SUPT3H: variants seen among roughly 807,000 people sequenced by gnomAD.
SUPT3H encodes transcription initiation protein SPT3 homolog.
SUPT3H carries 44 observed loss-of-function variants against 44.3 expected under a neutral mutation model. The observed-to-expected ratio is 0.99, with a 90% confidence interval of 0.78 to 1.28. The LOEUF is 1.28. Among genes scored for constraint, SUPT3H ranks in the 50% most tolerant of loss-of-function variants. SUPT3H has a pLI of 0.00. For synonymous variants in SUPT3H, 124 were observed against 125.6 expected (o/e 0.99, Z 0.09); for missense variants, 380 against 387.1 (o/e 0.98, Z 0.15).
intron 2 of SUPT3H, among the ~76,000 whole-genome samples, chr6:45,185,437 G>A (rs560206561): frequency 6.6e-6 from 1 of 152,274 alleles, no homozygotes; most frequent in African/African-American, 2.4e-5. Flanking sequence ...ATGCAAAGGA[G>A]ATTTTTTTGT....
intron 2 of SUPT3H, among the ~76,000 whole-genome samples, chr6:45,114,512 A>C (rs533748995): frequency 1.3e-5 from 2 of 152,146 alleles, no homozygotes; most frequent in Non-Finnish European, 1.5e-5. Flanking sequence ...TTTTTTTAAA[A>C]ATCAAGATTT....
At chr6:44,938,022 G>A (rs1358494032) in intron 9 of SUPT3H, among the ~76,000 whole-genome samples, 3 of 143,954 alleles carry the variant, frequency 2.1e-5, no homozygotes, top group Admixed American at 7.4e-5. Flanking sequence ...CAATTCTCCT[G>A]CCTCAGCCTC....
chr6:45,016,217 A>T (rs928332998), intron 4 of SUPT3H, among the ~76,000 whole-genome samples: 3 of 152,100 alleles, frequency 2.0e-5, no homozygotes, highest in African/African-American at 7.2e-5. Flanking sequence ...ATCACTTGAT[A>T]ATTGGAATTG....
At chr6:45,367,678 T>C (rs185239629) in intron 1 of SUPT3H, among the ~76,000 whole-genome samples, 2 of 152,300 alleles carry the variant, frequency 1.3e-5, no homozygotes, top group African/African-American at 4.8e-5. Context: ...CAGAAAGTTA[T>C]GATTTGAGTT....
chr6:45,194,507 A>G (rs1815684819), intron 2 of SUPT3H, among the ~76,000 whole-genome samples: 1 of 152,170 alleles, frequency 6.6e-6, no homozygotes, highest in South Asian at 2.1e-4. Context: ...TTCTACCAAA[A>G]AAGAGCAGAG....
intron 3 of SUPT3H, among the ~76,000 whole-genome samples, chr6:45,058,528 A>G (rs2059519986): frequency 6.6e-6 from 1 of 152,150 alleles, no homozygotes; most frequent in South Asian, 2.1e-4. Flanking sequence ...TATATTATAC[A>G]GAGTGATTTT....
intron 9 of SUPT3H, among the ~76,000 whole-genome samples, chr6:44,940,615 A>G (rs945187251): frequency 6.6e-6 from 1 of 152,128 alleles, no homozygotes; most frequent in African/African-American, 2.4e-5. Flanking sequence ...CCATTTGACT[A>G]ATGCTGTCAA....
chr6:45,010,204 G>A (rs905418244), intron 5 of SUPT3H, among the ~76,000 whole-genome samples: 15 of 151,906 alleles, frequency 9.9e-5, no homozygotes, highest in Non-Finnish European at 2.1e-4. Flanking sequence ...CAAACACATC[G>A]AACCAGTCTA....
chr6:45,091,383 A>C (rs1265545564), intron 3 of SUPT3H, among the ~76,000 whole-genome samples: 1 of 152,062 alleles, frequency 6.6e-6, no homozygotes, highest in East Asian at 1.9e-4. Flanking sequence ...TCTGAAAACA[A>C]TATTCTTCTT....
At chr6:45,034,177 A>G (rs1288431343) in intron 3 of SUPT3H, among the ~76,000 whole-genome samples, 1 of 151,966 alleles carries the variant, frequency 6.6e-6, no homozygotes, top group Non-Finnish European at 1.5e-5. Context: ...GCAGCATGAA[A>G]CCATTACTAA....
At chr6:45,172,503 CA>C (rs1810978497) in intron 2 of SUPT3H, among the ~76,000 whole-genome samples, 1 of 151,590 alleles carries the variant, frequency 6.6e-6, no homozygotes, top group African/African-American at 2.4e-5. Flanking sequence ...TAAATAGGAA[CA>C]CAGTTGATGA....
rs182720041 is a variant in SUPT3H, at chr6:44,884,337, T to C, written c.912+48316A>G. ...TCACGCCAGTTAGAATGGTGATCATTAAAAAGTCAGGAAACAACAGATGCT... is the reference window on the plus strand; with the variant it reads ...TCACGCCAGTTAGAATGGTGATCATCAAAAAGTCAGGAAACAACAGATGCT... On this transcript the variant is annotated intron_variant, in intron 10 of 10. Transcript: ENST00000371459. 3.9e-3 allele frequency among the ~76,000 whole-genome samples: 597 copies of C among 152,190 alleles called. 7 individuals carry two copies. Among genetic ancestry groups the C allele is most frequent in the African/African-American group, 0.014 (568 of 41,510 alleles).
chr6:44,913,776 G>C (rs1478282503), intron 10 of SUPT3H, among the ~76,000 whole-genome samples: 2 of 152,006 alleles, frequency 1.3e-5, no homozygotes, highest in Non-Finnish European at 2.9e-5. Context: ...TCTGCTACTT[G>C]GGGTTCTTCA....
At chr6:44,911,752 C>T (rs761217818) in intron 10 of SUPT3H, among the ~76,000 whole-genome samples, 24 of 152,204 alleles carry the variant, frequency 1.6e-4, no homozygotes, top group African/African-American at 5.8e-4. Context: ...AAGGGTAATA[C>T]GAATTGTTAC....
At chr6:45,114,271 A>G (rs1800515639) in intron 2 of SUPT3H, among the ~76,000 whole-genome samples, 1 of 152,132 alleles carries the variant, frequency 6.6e-6, no homozygotes, top group African/African-American at 2.4e-5. Context: ...TGAACAAAAC[A>G]GACAAAAAAA....
chr6:45,130,712 CTTTTTTTTTTT>C (rs1194423160), intron 2 of SUPT3H, among the ~76,000 whole-genome samples: 68 of 88,606 alleles, frequency 7.7e-4, no homozygotes, highest in Middle Eastern at 0.019. Context: ...AAAAAAACCA[CTTTTTTTTTTT>C]TTTTTTTTTT....
In SUPT3H at chr6:45,098,999, G is replaced by A. The variant is rs991300435; in HGVS notation, c.186+6923C>T. The A allele has an allele frequency of 3.4e-4, 133 of 391,398 alleles. 1 individual carries two copies. The highest frequency in any genetic ancestry group is 1.9e-4 in the Non-Finnish European group (38 of 198,446). 24.2% of individuals were successfully genotyped at this position (391,398 alleles called of 1,614,324 possible). A position where few individuals can be genotyped will look rare whatever the true frequency, so the allele number is the denominator to read the frequency against. ...TCCAGCTACAGCCTATTCCAGCACTGCCATGAGCTCTTCCTCCTCCTACAG... is the reference window on the plus strand; with the variant it reads ...TCCAGCTACAGCCTATTCCAGCACTACCATGAGCTCTTCCTCCTCCTACAG... On this transcript the variant is annotated intron_variant, in intron 3 of 10. Coordinates refer to ENST00000371459, the MANE Select transcript of SUPT3H (RefSeq NM_003599.4).
intron 2 of SUPT3H, among the ~76,000 whole-genome samples, chr6:45,297,049 G>A (rs1781402203): frequency 2.0e-5 from 3 of 146,992 alleles, no homozygotes; most frequent in South Asian, 2.2e-4. Context: ...AACACCACCT[G>A]TACCCCAATA....
chr6:44,944,899 G>A (rs1296966640), intron 9 of SUPT3H, among the ~76,000 whole-genome samples: 1 of 151,474 alleles, frequency 6.6e-6, no homozygotes, highest in Non-Finnish European at 1.5e-5. Context: ...TTCAATACAG[G>A]CATACCTCAC....
Sources: gnomAD v4.1 joint callset for allele counts (sites outside exome capture counted in the v4.1 genomes callset) on GRCh38, gnomAD v4.1.1 for gene constraint, MANE v1.5 for transcripts, NCBI Gene and HGNC (gene_info 2026-07-23, HGNC 2026-07-21) for gene names.